UBR4: variants seen among roughly 807,000 people sequenced by gnomAD.
The protein encoded by UBR4 is E3 ubiquitin-protein ligase UBR4.
In UBR4, 124 loss-of-function variants were observed where a neutral mutation model predicts 575.6. The ratio of observed to expected loss-of-function variants is 0.22; its 90% confidence interval spans 0.19 to 0.25. The LOEUF (loss-of-function observed/expected upper bound fraction) is 0.25, where lower values mean the gene tolerates loss of function less well. Ranked by LOEUF, UBR4 falls within the 10% of genes least tolerant of loss-of-function variation. The pLI is 1.00. For missense variants in UBR4, 4,818 were observed against 6,478.8 expected (o/e 0.74, Z 8.80); for synonymous variants, 2,455 against 2,473.7 (o/e 0.99, Z 0.22).
chr1:19,185,131 T>G lies in UBR4; in HGVS notation c.1906A>C (p.Asn636His). The change falls in exon 15 of 106, where the codon AAC (asparagine) becomes CAC (histidine). Residue 636 changes from asparagine (N) to histidine (H), a missense_variant. Physicochemically the swap from Asn to His is moderately conservative, Grantham distance 68 (BLOSUM62 1). Coordinates refer to ENST00000375254, the MANE Select transcript of UBR4 (RefSeq NM_020765.3). ...GGATCTTTGCGACTCGCCAGAATGT[T>G]GCCCTTCTCACCAGGGGCCTGCTTA... ...PSKQAPGEKG[N>H]ILASRKDPEL... 6.2e-7 allele frequency: 1 copy of G among 1,614,172 alleles called. No homozygotes were observed.
In UBR4 at chr1:19,088,145, T is replaced by C. The variant is rs760732810; in HGVS notation, c.14431-216A>G. 6.6e-6 allele frequency among the ~76,000 whole-genome samples: 1 copy of C among 152,244 alleles called. No individual in the cohort carries two copies. The highest frequency in any genetic ancestry group is 1.5e-5 in the Non-Finnish European group (1 of 68,034). On this transcript the variant is annotated intron_variant, in intron 98 of 105. Coordinates refer to ENST00000375254, the MANE Select transcript of UBR4 (RefSeq NM_020765.3). The surrounding 1 kb of genome is among the most constrained non-coding windows in gnomAD (Gnocchi z 4.0). ...GGAACCACTGAAGCAAAGGAAGTCA[T>C]CCAGCTGGAGCCCTGGCAAGGTGCC...
chr1:19,121,141 G>A (rs1265775918), intron 68 of UBR4, 48 bp downstream of exon 68: 1 of 1,596,010 alleles, frequency 6.3e-7, no homozygotes, highest in Admixed American at 1.7e-5. Flanking sequence ...CTCCAAGAGA[G>A]ATTTACATAC....
rs757795486 is a variant in UBR4 at position 19,153,911 on chromosome 1, CAGG to C, written c.6484_6486del (p.Pro2162del). The C allele has an allele frequency of 8.7e-6, 14 of 1,613,878 alleles. No individual in the cohort carries two copies. Among genetic ancestry groups the C allele is most frequent in the Non-Finnish European group, 1.2e-5 (14 of 1,179,984 alleles). ...ATCACCTCAGACCACTGGCAAAGAG[CAGG>C]AGAAGTCTTACTGCCACCATTGGAA... On this transcript the variant is annotated inframe_deletion, in exon 45 of 106. Transcript: ENST00000375254. This position sits in a 1 kb window ranked among gnomAD's most constrained non-coding sequence, Gnocchi z 4.1.
chr1:19,128,956 A>G (rs761777420), intron 61 of UBR4, 22 bp downstream of exon 61: 1 of 1,602,890 alleles, frequency 6.2e-7, no homozygotes, highest in Non-Finnish European at 8.5e-7. Flanking sequence ...CCTGACAGAG[A>G]TCCAGGTGAG....
chr1:19,143,191 AAGG>A (rs1446001973), intron 55 of UBR4, among the ~76,000 whole-genome samples: 1 of 145,276 alleles, frequency 6.9e-6, no homozygotes, highest in East Asian at 2.0e-4. Context: ...AAAAGAAAGA[AAGG>A]AAGGAAGGAA....
rs2080677266 is a variant in UBR4 at position 19,117,487 on chromosome 1, A to G, written c.10630-73T>C. Reference sequence around the variant, plus strand: ...TGCCTTTTTAAAAATTCATCAGTGTAACCCACTCTTCATCCACAAGATGAA... The same window carrying G: ...TGCCTTTTTAAAAATTCATCAGTGTGACCCACTCTTCATCCACAAGATGAA... On this transcript the variant is annotated intron_variant, in intron 72 of 105. Coordinates refer to ENST00000375254, the MANE Select transcript of UBR4 (RefSeq NM_020765.3). The surrounding 1 kb of genome is among the most constrained non-coding windows in gnomAD (Gnocchi z 4.0). 3.4e-6 allele frequency: 5 copies of G among 1,461,364 alleles called. No individual in the cohort carries two copies. Among genetic ancestry groups the G allele is most frequent in the East Asian group, 4.6e-5 (2 of 43,720 alleles). 90.5% of individuals were successfully genotyped at this position (1,461,364 alleles called of 1,614,324 possible).
intron 58 of UBR4, among the ~76,000 whole-genome samples, 181 bp downstream of exon 58, chr1:19,140,607 G>C (rs2083774366): frequency 6.6e-6 from 1 of 152,222 alleles, no homozygotes. Context: ...AAGCGGAGCT[G>C]TGCGCGGCGG....
intron 102 of UBR4, 52 bp from the exon 103 acceptor site, chr1:19,081,625 G>C (rs2076515360): frequency 6.3e-7 from 1 of 1,590,646 alleles, no homozygotes; most frequent in Non-Finnish European, 8.6e-7. Context: ...GCAGGACCCG[G>C]CAGCAAGAGC....
chr1:19,130,543 C>T (rs755270944), intron 60 of UBR4, among the ~76,000 whole-genome samples: 10 of 152,088 alleles, frequency 6.6e-5, no homozygotes, highest in Non-Finnish European at 1.3e-4. Context: ...AAAGAAAGTA[C>T]GGGGTCTTAC....
At position 19,124,704 on chromosome 1, in the gene UBR4, A is replaced by G; in HGVS notation, c.9439-14T>C. On this transcript the variant is annotated splice_polypyrimidine_tract_variant and intron_variant, in intron 64 of 105. Coordinates refer to ENST00000375254, the MANE Select transcript of UBR4 (RefSeq NM_020765.3). Reference sequence around the variant, plus strand: ...AGCAGCATGACCCTGGGAGAAGAAAATTTGCATGAGAACCTGTGACTATCG... The same window carrying G: ...AGCAGCATGACCCTGGGAGAAGAAAGTTTGCATGAGAACCTGTGACTATCG... 2 of 1,604,552 alleles carry G rather than the reference A, an allele frequency of 1.2e-6. No homozygotes were observed.
At position 19,112,645 on chromosome 1, in the gene UBR4, G is replaced by A. The variant is rs752363326; in HGVS notation, c.11680C>T (p.Pro3894Ser). 2 of 1,614,264 alleles carry A rather than the reference G, an allele frequency of 1.2e-6. No individual in the cohort carries two copies. The highest frequency in any genetic ancestry group is 3.3e-5 in the Admixed American group (2 of 60,028). Residue 3894 changes from proline (P) to serine (S), a missense_variant, in exon 78 of 106, where the codon CCA (proline) becomes TCA (serine). Transcript: ENST00000375254. ...ITLLRALATN[P>S]ALRHILVSQG... ...GAGACAAGGATGTGCCTCAAGGCTG[G>A]GTTGGTGGCCAGGGCCCGAAGTAGT...
At chr1:19,126,964 T>C (rs767693661) in intron 63 of UBR4, among the ~76,000 whole-genome samples, 5 of 152,214 alleles carry the variant, frequency 3.3e-5, no homozygotes, top group Non-Finnish European at 5.9e-5. Flanking sequence ...GGGGACGCGT[T>C]TCCTCTTTTA....
At chr1:19,186,773 T>C in intron 13 of UBR4, 116 bp from the exon 14 acceptor site, 29 of 869,514 alleles carry the variant, frequency 3.3e-5, no homozygotes, top group East Asian at 7.9e-5. Flanking sequence ...TGCCTCTTAA[T>C]AGCTCCCTTA....
intron 88 of UBR4, 88 bp downstream of exon 88, chr1:19,101,432 C>T: frequency 1.3e-6 from 2 of 1,486,378 alleles, no homozygotes; most frequent in Admixed American, 1.9e-5. Context: ...GTACAATTCC[C>T]CATAACTTTA....
In UBR4 at chr1:19,108,420, G is replaced by C. The variant is rs567020212; in HGVS notation, c.12106-1454C>G. Among the ~76,000 whole-genome samples, 32 of 152,068 alleles carry C rather than the reference G, an allele frequency of 2.1e-4. No individual in the cohort carries two copies. The East Asian group carries it at 6.0e-3, about 28-fold the overall frequency. ...AAGCACAAGCGGAGATCCATGGAAA[G>C]GCAGCTGGTTTGGCTTGCATCTCAC... On this transcript the variant is annotated intron_variant, in intron 81 of 105. Transcript: ENST00000375254.
In UBR4 at chr1:19,150,686, G is replaced by A. The variant is rs1267304747; in HGVS notation, c.7321C>T (p.Pro2441Ser). The A allele has an allele frequency of 1.2e-6, 2 of 1,613,940 alleles. No homozygotes were observed. The highest frequency in any genetic ancestry group is 1.7e-6 in the Non-Finnish European group (2 of 1,180,014). ...GWPDEPPEEF[P>S]SASVSNICPS... is the part of the protein sequence containing the mutation. ...CAGATGTTGCTGACAGAGGCAGAAG[G>A]GAATTCTTCTGGGGGCTCATCAGGC... is the stretch of plus-strand genomic sequence containing the variant. Residue 2441 changes from proline (P) to serine (S), a missense_variant, in exon 49 of 106, where the codon CCT becomes TCT. Coordinates refer to ENST00000375254, the MANE Select transcript of UBR4 (RefSeq NM_020765.3).
chr1:19,117,240 T>G lies in UBR4; in HGVS notation c.10804A>C (p.Ile3602Leu). ...CCGTACTTGTTTTTCAACTCCACGATGGCCTGCACGGTTCGGTTGTTATAA... is the reference window on the plus strand; with the variant it reads ...CCGTACTTGTTTTTCAACTCCACGAGGGCCTGCACGGTTCGGTTGTTATAA... ...LYYNNRTVQA[I>L]VELKNKPARW... Residue 3602 changes from isoleucine (I) to leucine (L), a missense_variant, in exon 73 of 106, where the codon ATC becomes CTC. Coordinates refer to ENST00000375254, the MANE Select transcript of UBR4 (RefSeq NM_020765.3). The surrounding 1 kb of genome is among the most constrained non-coding windows in gnomAD (Gnocchi z 4.0). The G allele has an allele frequency of 6.2e-7, 1 of 1,612,756 alleles. No individual in the cohort carries two copies. The highest frequency in any genetic ancestry group is 8.5e-7 in the Non-Finnish European group (1 of 1,178,840).
chr1:19,149,920 G>A, intron 49 of UBR4: 1 of 644,088 alleles, frequency 1.6e-6, no homozygotes, highest in Non-Finnish European at 2.3e-6. Flanking sequence ...GAAAGGAAGG[G>A]AGGGAGGAGG....
chr1:19,169,628 C>G (rs1305289734), intron 26 of UBR4, 96 bp from the exon 27 acceptor site: 2 of 925,048 alleles, frequency 2.2e-6, no homozygotes, highest in East Asian at 2.7e-5. Context: ...AGAAACAGTA[C>G]AGCCCAGGCT....
Sources: gnomAD v4.1 joint callset for allele counts (sites outside exome capture counted in the v4.1 genomes callset) on GRCh38, gnomAD v4.1.1 for gene constraint, Gnocchi (gnomAD v3.1) non-coding constraint, MANE v1.5 for transcripts, NCBI Gene and HGNC (gene_info 2026-07-23, HGNC 2026-07-21) for gene names.